YIPF6: variants seen among roughly 807,000 people sequenced by gnomAD.
The protein encoded by YIPF6 is protein YIPF6.
Under a neutral mutation model 16.8 loss-of-function variants are expected in YIPF6, and 3 were observed. The observed-to-expected ratio is 0.18, with a 90% CI of 0.08 to 0.46. The LOEUF (loss-of-function observed/expected upper bound fraction) is 0.46. Ranked by LOEUF, YIPF6 falls within the 20% of genes least tolerant of loss-of-function variation. YIPF6 has a pLI of 0.98. For synonymous variants in YIPF6, 67 were observed against 61.9 expected, an observed-to-expected ratio of 1.08 and a Z score of -0.38; for missense variants, 145 against 184.9, an observed-to-expected ratio of 0.78 and a Z score of 1.25.
chrX:68,516,794 C>A (rs903824088), intron 3 of YIPF6, among the ~76,000 whole-genome samples: 5 of 111,399 alleles, frequency 4.5e-5, no homozygotes, highest in Non-Finnish European at 7.5e-5. Context: ...TGTTGGCATG[C>A]AAATCACTCA....
chrX:68,502,558 T>A (rs1178562353), intron 1 of YIPF6, among the ~76,000 whole-genome samples: 1 of 110,734 alleles, frequency 9.0e-6, no homozygotes, highest in South Asian at 3.8e-4. Context: ...AAATAGATAA[T>A]ATATAAGGAG....
At chrX:68,514,398 A>T (rs1322027443) in intron 3 of YIPF6, 1 of 110,805 alleles carries the variant, frequency 9.0e-6, no homozygotes, top group African/African-American at 3.3e-5. Flanking sequence ...GGAAAGGCAA[A>T]TGTTTAAATT....
intron 6 of YIPF6, among the ~76,000 whole-genome samples, chrX:68,525,920 A>G (rs756233410): frequency 4.5e-5 from 5 of 111,859 alleles, no homozygotes; most frequent in East Asian, 2.8e-4. Context: ...AGATAGAGTG[A>G]TAACTCCAGC....
rs2079114141 is a variant in YIPF6, at chrX:68,518,764, TTG to T, written c.266-4_266-3del. 1 of 1,173,345 alleles carries T rather than the reference TTG, an allele frequency of 8.5e-7. No homozygotes were observed. Among genetic ancestry groups the T allele is most frequent in the African/African-American group, 1.8e-5 (1 of 54,659 alleles). On this transcript the variant is annotated splice_polypyrimidine_tract_variant and splice_region_variant and intron_variant, in intron 3 of 6. Coordinates refer to ENST00000462683, the MANE Select transcript of YIPF6 (RefSeq NM_173834.4). ...ACCTTCGCTTCTGTCTTTTCTTGTC[TTG>T]TAGGGGATTTGTGGGGCCCTTTGAT... is the stretch of plus-strand genomic sequence containing the variant.
At chrX:68,505,014 GCTT>G (rs759674266) in intron 1 of YIPF6, among the ~76,000 whole-genome samples, 3 of 111,982 alleles carry the variant, frequency 2.7e-5, no homozygotes, top group Non-Finnish European at 5.6e-5. Context: ...GTACTACAAT[GCTT>G]CTCCTAGCAG....
intron 5 of YIPF6, 57 bp from the exon 6 acceptor site, chrX:68,522,703 T>G: frequency 9.3e-7 from 1 of 1,078,999 alleles, no homozygotes; most frequent in Non-Finnish European, 1.2e-6. Flanking sequence ...TAATAAGCTG[T>G]GTCATAACAC....
chrX:68,503,415 G>C (rs945186358), intron 1 of YIPF6, among the ~76,000 whole-genome samples: 3 of 111,962 alleles, frequency 2.7e-5, no homozygotes, highest in African/African-American at 9.8e-5. Context: ...GATGGGAAAG[G>C]GGAGGGACAT....
At chrX:68,530,154 A>T (rs1003860352) in intron 6 of YIPF6, among the ~76,000 whole-genome samples, 1 of 111,850 alleles carries the variant, frequency 8.9e-6, no homozygotes, top group Non-Finnish European at 1.9e-5. Context: ...TCTTTCAGTG[A>T]TGCCCTGCCC....
intron 1 of YIPF6, among the ~76,000 whole-genome samples, chrX:68,506,514 A>T (rs1010608374): frequency 4.5e-5 from 5 of 110,228 alleles, no homozygotes; most frequent in Non-Finnish European, 9.5e-5. Context: ...AGCCTGGGCA[A>T]CATGACAAAA....
intron 2 of YIPF6, among the ~76,000 whole-genome samples, chrX:68,513,057 G>A (rs2079087538): frequency 9.0e-6 from 1 of 111,375 alleles, no homozygotes; most frequent in Admixed American, 9.6e-5. Context: ...TGGGAGGGCT[G>A]TGTTTCTTTT....
Position 68,534,892 on chromosome X carries a change from G to A in YIPF6, c.*2893G>A, listed in dbSNP as rs1014962671. ...ATTCAGGCATGTGAGCATCACTGCAGAATGTGGTGCATCATTGCCATCATG... is the reference window on the plus strand; with the variant it reads ...ATTCAGGCATGTGAGCATCACTGCAAAATGTGGTGCATCATTGCCATCATG... On this transcript the variant is annotated 3_prime_UTR_variant, in exon 7 of 7. Coordinates refer to ENST00000462683, the MANE Select transcript of YIPF6 (RefSeq NM_173834.4). 8.9e-6 allele frequency: 1 copy of A among 112,322 alleles called. No homozygotes were observed. The highest frequency in any genetic ancestry group is 3.7e-4 in the South Asian group (1 of 2,708). 9.3% of individuals were successfully genotyped at this position (112,322 alleles called of 1,213,427 possible).
chrX:68,513,285 A>G (rs1454211400), intron 2 of YIPF6, 42 bp from the exon 3 acceptor site: 1 of 1,090,710 alleles, frequency 9.2e-7, no homozygotes, highest in Admixed American at 2.6e-5. Flanking sequence ...GCTGCTGGCA[A>G]CCTTGGTCAT....
intron 5 of YIPF6, 79 bp downstream of exon 5, chrX:68,521,576 A>AT (rs772480115): frequency 0.063 from 52,222 of 824,511 alleles, no homozygotes; most frequent in Non-Finnish European, 0.068. Flanking sequence ...GGCTAGCTAG[A>AT]TTTTTTTTTT....
intron 1 of YIPF6, among the ~76,000 whole-genome samples, chrX:68,502,851 G>T (rs1311287463): frequency 4.7e-5 from 5 of 106,976 alleles, no homozygotes; most frequent in Non-Finnish European, 7.7e-5. Context: ...TTTTGAGCCG[G>T]AGTTTTGCTC....
chrX:68,520,141 G>A (rs1046539108), intron 4 of YIPF6, among the ~76,000 whole-genome samples: 2 of 112,132 alleles, frequency 1.8e-5, no homozygotes, highest in South Asian at 3.7e-4. Context: ...TGGTTGTCAC[G>A]ACTTGGAATG....
chrX:68,510,869 G>C (rs1355045298), intron 1 of YIPF6: 2 of 112,484 alleles, frequency 1.8e-5, no homozygotes, highest in Non-Finnish European at 3.7e-5. Flanking sequence ...CCGACCTCAG[G>C]TGATCTGCCC....
chrX:68,536,842 CTCTT>C lies in YIPF6; in HGVS notation c.*4849_*4852del, dbSNP rs993235727. Reference sequence around the variant, plus strand: ...GTCTTAAGCATCAAACAATTTCTGCCTCTTTCTTTTTAATTCTCCCAGAGGGATG... The same window carrying C: ...GTCTTAAGCATCAAACAATTTCTGCCTCTTTTTAATTCTCCCAGAGGGATG... On this transcript the variant is annotated 3_prime_UTR_variant, in exon 7 of 7. Transcript: ENST00000462683. 2.7e-5 allele frequency: 3 copies of C among 112,066 alleles called. No homozygotes were observed. The highest frequency in any genetic ancestry group is 9.7e-5 in the African/African-American group (3 of 30,802). 9.2% of individuals were successfully genotyped at this position (112,066 alleles called of 1,213,427 possible).
At chrX:68,523,059 C>G in intron 6 of YIPF6, 142 bp downstream of exon 6, 1 of 681,701 alleles carries the variant, frequency 1.5e-6, no homozygotes, top group Admixed American at 4.1e-5. Flanking sequence ...ACCCTCTTCC[C>G]TGAGTAGGCA....
intron 2 of YIPF6, among the ~76,000 whole-genome samples, chrX:68,512,704 A>C (rs1024428585): frequency 9.0e-6 from 1 of 111,682 alleles, no homozygotes; most frequent in Admixed American, 9.6e-5. Context: ...AGCAACTATT[A>C]TAAATTATGT....
Sources: gnomAD v4.1 joint callset for allele counts (sites outside exome capture counted in the v4.1 genomes callset) on GRCh38, gnomAD v4.1.1 for gene constraint, MANE v1.5 for transcripts, NCBI Gene and HGNC (gene_info 2026-07-23, HGNC 2026-07-21) for gene names.